The following MEF2A variants were observed in gnomAD, a reference collection of about 807,000 sequenced individuals.
MEF2A encodes myocyte enhancer factor 2A.
In MEF2A, 28 loss-of-function variants were observed where a neutral mutation model predicts 55.8. The ratio of observed to expected loss-of-function variants is 0.50; its 90% confidence interval spans 0.37 to 0.69. MEF2A has a LOEUF of 0.69. Ranked by LOEUF, MEF2A falls within the 30% of genes least tolerant of loss-of-function variation. The probability of loss-of-function intolerance (pLI) is 0.00; values close to 1 mark genes in which losing one functional copy is unlikely to be tolerated. For synonymous variants in MEF2A, 239 were observed against 227.1 expected (o/e 1.05, Z -0.47); for missense variants, 528 against 626.2 (o/e 0.84, Z 1.67).
At chr15:99,660,160 A>G (rs2048388559) in intron 4 of MEF2A, among the ~76,000 whole-genome samples, 1 of 152,194 alleles carries the variant, frequency 6.6e-6, no homozygotes, top group Admixed American at 6.5e-5. Context: ...TCAGCAAAAT[A>G]TTAGTCTACT....
At chr15:99,576,331 G>A (rs1964249173) in intron 1 of MEF2A, among the ~76,000 whole-genome samples, 1 of 152,094 alleles carries the variant, frequency 6.6e-6, no homozygotes, top group Non-Finnish European at 1.5e-5. Context: ...TAATTCTACA[G>A]TGGTTGGGTC....
rs762285015 is a variant in MEF2A, at chr15:99,710,720, C to A, written c.1096C>A (p.Gln366Lys). The part of the protein sequence containing the change: ...MLSLGQVSAW[Q>K]QHHLGQAALS... ...GTCGCTGGGACAGGTGTCGGCCTGG[C>A]AGCAGCACCACCTAGGACAAGCAGC... is the stretch of plus-strand genomic sequence containing the variant. The change falls in exon 11 of 12, where the codon CAG becomes AAG. Residue 366 changes from glutamine to lysine, a missense_variant. Around this residue, in one of 2 missense-constraint regions of MEF2A, gnomAD observed 450 missense variants for 475.3 expected, o/e 0.95. Coordinates refer to ENST00000557942, the MANE Select transcript of MEF2A (RefSeq NM_001319206.4). 2 of 1,613,120 alleles carry A rather than the reference C, an allele frequency of 1.2e-6. No homozygotes were observed. Among genetic ancestry groups the A allele is most frequent in the Non-Finnish European group, 1.7e-6 (2 of 1,179,132 alleles).
rs112899197 is a variant in MEF2A at position 99,575,601 on chromosome 15, T to C, written c.-225+9497T>C. Reference sequence around the variant, plus strand: ...CTAGTTTTCTCTATTACAAAAGGTATCATAGTCCCCTTTGTTATTACTGAA... The same window carrying C: ...CTAGTTTTCTCTATTACAAAAGGTACCATAGTCCCCTTTGTTATTACTGAA... On this transcript the variant is annotated intron_variant, in intron 1 of 11. Coordinates refer to ENST00000557942, the MANE Select transcript of MEF2A (RefSeq NM_001319206.4). 5.4e-4 allele frequency among the ~76,000 whole-genome samples: 83 copies of C among 152,342 alleles called. 1 individual carries two copies. The highest frequency in any genetic ancestry group is 2.0e-3 in the African/African-American group (82 of 41,568).
chr15:99,645,504 C>T, intron 3 of MEF2A, 57 bp from the exon 4 acceptor site: 1 of 1,239,510 alleles, frequency 8.1e-7, no homozygotes, highest in Non-Finnish European at 1.2e-6. Flanking sequence ...CTTCAGATAG[C>T]CCATATTCAA....
chr15:99,635,173 A>G (rs1487557575), intron 3 of MEF2A, among the ~76,000 whole-genome samples: 1 of 152,238 alleles, frequency 6.6e-6, no homozygotes. Flanking sequence ...AAATAATATC[A>G]GATACTGGGA....
In MEF2A at chr15:99,712,692, T is replaced by C. The variant is rs997173174; in HGVS notation, c.1439T>C (p.Val480Ala). 3.2e-6 allele frequency: 5 copies of C among 1,562,876 alleles called. No individual in the cohort carries two copies. The African/African-American group carries it at 4.1e-5, about 13-fold the overall frequency. ...CGGGGCGACTTCCATTCTCCAATTGTGCTTGGCCGACCCCCAAACACTGAG... is the reference window on the plus strand; with the variant it reads ...CGGGGCGACTTCCATTCTCCAATTGCGCTTGGCCGACCCCCAAACACTGAG... Reference protein sequence around the residue: ...DPRGDFHSPIVLGRPPNTEDR... With the variant: ...DPRGDFHSPIALGRPPNTEDR... Residue 480 changes from valine (V) to alanine (A), a missense_variant, in exon 12 of 12, where the codon GTG (valine) becomes GCG (alanine). By Grantham distance (64) the Val-to-Ala change is moderately conservative. Around this residue, in one of 2 missense-constraint regions of MEF2A, gnomAD observed 450 missense variants for 475.3 expected, o/e 0.95. Coordinates refer to ENST00000557942, the MANE Select transcript of MEF2A (RefSeq NM_001319206.4). This position sits in a 1 kb window ranked among gnomAD's most constrained non-coding sequence, Gnocchi z 4.1.
chr15:99,582,291 G>A (rs1032644896), intron 1 of MEF2A, among the ~76,000 whole-genome samples: 5 of 152,022 alleles, frequency 3.3e-5, no homozygotes, highest in Admixed American at 6.6e-5. Flanking sequence ...GAAGGGAATT[G>A]GTAGGAATAC....
At chr15:99,640,095 T>A (rs1358275929) in intron 3 of MEF2A, among the ~76,000 whole-genome samples, 1 of 152,228 alleles carries the variant, frequency 6.6e-6, no homozygotes, top group Admixed American at 6.5e-5. Context: ...TTGGTTTTTT[T>A]AAATGTTCCG....
At chr15:99,597,104 A>G (rs754844864) in intron 1 of MEF2A, among the ~76,000 whole-genome samples, 13 of 152,220 alleles carry the variant, frequency 8.5e-5, no homozygotes, top group Non-Finnish European at 1.8e-4. Flanking sequence ...AAAGAACAGG[A>G]TAACAGCAAT....
At chr15:99,675,333 G>T in intron 6 of MEF2A, 66 bp from the exon 7 acceptor site, 1 of 1,340,086 alleles carries the variant, frequency 7.5e-7, no homozygotes, top group South Asian at 1.2e-5. Flanking sequence ...TTCACGTTCA[G>T]TTAGGTAAAG....
chr15:99,584,036 G>C lies in MEF2A; in HGVS notation c.-224-14394G>C, dbSNP rs151277051. Among the ~76,000 whole-genome samples, 455 of 152,246 alleles carry C rather than the reference G, an allele frequency of 3.0e-3. 3 individuals are homozygous for C. Among genetic ancestry groups the C allele is most frequent in the African/African-American group, 0.01 (427 of 41,556 alleles). On this transcript the variant is annotated intron_variant, in intron 1 of 11. Transcript: ENST00000557942. ...TTACAGCATGTTACTCTGCTGAATAGTGTAGGCATTTGTAACATAGTAGTG... is the reference window on the plus strand; with the variant it reads ...TTACAGCATGTTACTCTGCTGAATACTGTAGGCATTTGTAACATAGTAGTG...
chr15:99,683,714 A>G (rs1466218752), intron 7 of MEF2A, among the ~76,000 whole-genome samples: 2 of 138,254 alleles, frequency 1.4e-5, no homozygotes, highest in Non-Finnish European at 3.2e-5. Flanking sequence ...CTTTTATTAA[A>G]AAAAAAAAAA....
chr15:99,668,733 T>A (rs2050280836), intron 4 of MEF2A, among the ~76,000 whole-genome samples: 1 of 152,218 alleles, frequency 6.6e-6, no homozygotes, highest in Non-Finnish European at 1.5e-5. Context: ...CTGGCCAGGA[T>A]CGTATGTACC....
rs754720431 is a variant in MEF2A, at chr15:99,633,169, G to T, written c.50G>T (p.Arg17Leu). ...ACACGCATAATGGATGAAAGGAACC[G>T]ACAGGTAAATGAAAATTTTAATTTA... ...QITRIMDERN[R>L]QVTFTKRKFG... Residue 17 changes from arginine (R) to leucine (L), a missense_variant, in exon 3 of 12, where the codon CGA (arginine) becomes CTA (leucine). Coordinates refer to ENST00000557942, the MANE Select transcript of MEF2A (RefSeq NM_001319206.4). The T allele has an allele frequency of 6.4e-7, 1 of 1,569,080 alleles. No homozygotes were observed. The highest frequency in any genetic ancestry group is 1.2e-5 in the South Asian group (1 of 82,202).
intron 4 of MEF2A, among the ~76,000 whole-genome samples, chr15:99,657,001 T>G (rs1441311029): frequency 6.6e-6 from 1 of 152,094 alleles, no homozygotes; most frequent in Admixed American, 6.6e-5. Flanking sequence ...ACTAATGTAC[T>G]TTCTGTGTCT....
intron 1 of MEF2A, among the ~76,000 whole-genome samples, chr15:99,572,803 T>A (rs1962881442): frequency 6.6e-6 from 1 of 152,228 alleles, no homozygotes; most frequent in Non-Finnish European, 1.5e-5. Flanking sequence ...ACATGCACTA[T>A]TTGTAGAGTA....
intron 8 of MEF2A, among the ~76,000 whole-genome samples, chr15:99,691,959 G>A (rs191014166): frequency 2.6e-5 from 4 of 152,044 alleles, no homozygotes; most frequent in African/African-American, 7.2e-5. Flanking sequence ...TTAGCTTCCT[G>A]TAGAAAAAAA....
intron 3 of MEF2A, among the ~76,000 whole-genome samples, chr15:99,644,875 G>C (rs141129154): frequency 9.5e-4 from 145 of 152,254 alleles, no homozygotes; most frequent in African/African-American, 3.4e-3. Flanking sequence ...ATGAGCTTCA[G>C]AGTATTTGAA....
chr15:99,629,635 C>G (rs562273044), intron 2 of MEF2A, among the ~76,000 whole-genome samples: 6 of 151,952 alleles, frequency 3.9e-5, no homozygotes, highest in African/African-American at 1.4e-4. Context: ...GCCTGGGCAT[C>G]TAACAAAGGC....
Sources: gnomAD v4.1 joint callset for allele counts (sites outside exome capture counted in the v4.1 genomes callset) on GRCh38, gnomAD v4.1.1 for gene constraint, gnomAD v4.1.1 regional missense constraint, Gnocchi (gnomAD v3.1) non-coding constraint, MANE v1.5 for transcripts, NCBI Gene and HGNC (gene_info 2026-07-23, HGNC 2026-07-21) for gene names.